The following PKIB variants were observed in gnomAD, a reference collection of about 807,000 sequenced individuals.
PKIB encodes PKI-beta.
Under a neutral mutation model 4.5 loss-of-function variants are expected in PKIB, and 2 were observed. That is an observed-to-expected ratio of 0.44 (90% CI 0.18 to 1.39). The LOEUF is 1.39. Among genes scored for constraint, PKIB ranks in the 40% most tolerant of loss-of-function variants. PKIB has a pLI of 0.27. For missense variants in PKIB, 94 were observed against 92.6 expected, an observed-to-expected ratio of 1.02 and a Z score of -0.06; for synonymous variants, 38 against 36.0, an observed-to-expected ratio of 1.06 and a Z score of -0.20.
chr6:122,554,093 C>A (rs1772768540), intron 2 of PKIB, among the ~76,000 whole-genome samples: 1 of 152,164 alleles, frequency 6.6e-6, no homozygotes, highest in African/African-American at 2.4e-5. Flanking sequence ...TTCTTAGATT[C>A]CTTAAATTTG....
intron 2 of PKIB, among the ~76,000 whole-genome samples, chr6:122,517,615 T>A (rs1382167957): frequency 1.3e-5 from 2 of 152,216 alleles, no homozygotes; most frequent in Non-Finnish European, 2.9e-5. Flanking sequence ...CTGGTGGCAC[T>A]TACAGCTGCA....
intron 3 of PKIB, among the ~76,000 whole-genome samples, chr6:122,691,509 T>G (rs926460069): frequency 9.2e-5 from 14 of 152,206 alleles, no homozygotes; most frequent in Non-Finnish European, 1.5e-5. Context: ...ATTTTATTTT[T>G]CACCTCCAGA....
intron 2 of PKIB, among the ~76,000 whole-genome samples, chr6:122,498,075 C>T (rs1218343470): frequency 6.6e-6 from 1 of 152,110 alleles, no homozygotes; most frequent in Non-Finnish European, 1.5e-5. Flanking sequence ...TCAAAACCAC[C>T]CAATTACATG....
intron 2 of PKIB, among the ~76,000 whole-genome samples, chr6:122,509,240 T>G (rs1421456441): frequency 6.6e-6 from 1 of 152,134 alleles, no homozygotes; most frequent in African/African-American, 2.4e-5. Context: ...TGTAGTTAAT[T>G]TTAAGAACTG....
chr6:122,672,725 T>C (rs1717081615), intron 2 of PKIB, among the ~76,000 whole-genome samples: 1 of 151,632 alleles, frequency 6.6e-6, no homozygotes, highest in African/African-American at 2.4e-5. Flanking sequence ...TTAACATATA[T>C]AATAATAATA....
At chr6:122,675,878 T>C (rs189619829) in intron 3 of PKIB, among the ~76,000 whole-genome samples, 15 of 152,062 alleles carry the variant, frequency 9.9e-5, no homozygotes, top group East Asian at 3.9e-4. Context: ...AATCAGCATA[T>C]TGAATTTAAG....
intron 2 of PKIB, chr6:122,644,798 A>G (rs1776247496): frequency 1.3e-5 from 2 of 152,182 alleles, no homozygotes; most frequent in South Asian, 4.1e-4. Context: ...GTGGAGTATT[A>G]ATGATTATAC....
intron 3 of PKIB, among the ~76,000 whole-genome samples, chr6:122,677,893 T>TCC (rs1302990739): frequency 0.1 from 4,412 of 43,052 alleles, 98 homozygotes; most frequent in African/African-American, 0.17. Flanking sequence ...CTTCCTTCCT[T>TCC]TCTTTCTTTC....
Position 122,635,623 on chromosome 6 carries a change from T to G in PKIB, c.-76+2256T>G, listed in dbSNP as rs559576464. 3.1e-4 allele frequency among the ~76,000 whole-genome samples: 46 copies of G among 150,028 alleles called. 1 individual carries two copies. The South Asian group carries it at 9.5e-3, about 31-fold the overall frequency. Reference sequence around the variant, plus strand: ...ATTCATTGAAATACTAGCTAAATAATGTAGACATCAATAAAATAGAATACA... The same window carrying G: ...ATTCATTGAAATACTAGCTAAATAAGGTAGACATCAATAAAATAGAATACA... On this transcript the variant is annotated intron_variant, in intron 2 of 4. Transcript: ENST00000368452.
At chr6:122,502,976 G>A (rs1446141576) in intron 2 of PKIB, among the ~76,000 whole-genome samples, 4 of 152,298 alleles carry the variant, frequency 2.6e-5, no homozygotes, top group Admixed American at 2.0e-4. Context: ...AGCCTGGGAA[G>A]TCCAAGATCA....
At chr6:122,589,546 A>G (rs1055377589) in intron 3 of PKIB, among the ~76,000 whole-genome samples, 2 of 152,156 alleles carry the variant, frequency 1.3e-5, no homozygotes, top group African/African-American at 4.8e-5. Context: ...AATTTGTAAA[A>G]AAATAAAATG....
chr6:122,616,344 T>C (rs1333544173), intron 1 of PKIB, among the ~76,000 whole-genome samples: 1 of 152,092 alleles, frequency 6.6e-6, no homozygotes, highest in African/African-American at 2.4e-5. Flanking sequence ...GCAAGAGTAA[T>C]GGCTTTATGA....
At chr6:122,647,554 A>G (rs1016168059) in intron 2 of PKIB, among the ~76,000 whole-genome samples, 1 of 152,154 alleles carries the variant, frequency 6.6e-6, no homozygotes, top group Admixed American at 6.5e-5. Context: ...CCAGCCCAAA[A>G]CATGGTAACC....
At chr6:122,514,239 G>T (rs1776675819) in intron 2 of PKIB, among the ~76,000 whole-genome samples, 1 of 152,096 alleles carries the variant, frequency 6.6e-6, no homozygotes. Flanking sequence ...TTCTTTCTTT[G>T]AGAATTCTCA....
intron 3 of PKIB, among the ~76,000 whole-genome samples, chr6:122,597,136 A>G (rs924431681): frequency 3.9e-5 from 6 of 152,220 alleles, no homozygotes; most frequent in South Asian, 4.1e-4. Flanking sequence ...ATCCTCTGGC[A>G]TGGAAATGTC....
At chr6:122,649,627 G>A (rs1401763670) in intron 2 of PKIB, among the ~76,000 whole-genome samples, 1 of 152,134 alleles carries the variant, frequency 6.6e-6, no homozygotes, top group African/African-American at 2.4e-5. Flanking sequence ...TGATATTGGG[G>A]TGTGGCTGTA....
At chr6:122,610,943 G>A (rs1774727830) in intron 1 of PKIB, among the ~76,000 whole-genome samples, 1 of 152,212 alleles carries the variant, frequency 6.6e-6, no homozygotes, top group African/African-American at 2.4e-5. Flanking sequence ...GTAGTCACGA[G>A]CGGCCGCGGG....
chr6:122,662,269 C>CA (rs2114916291), intron 2 of PKIB, among the ~76,000 whole-genome samples: 1 of 135,726 alleles, frequency 7.4e-6, no homozygotes, highest in Non-Finnish European at 1.6e-5. Context: ...TTGCCTAAAC[C>CA]AAGGTCTCTT....
At chr6:122,680,453 G>T (rs1039480445) in intron 3 of PKIB, among the ~76,000 whole-genome samples, 2 of 152,182 alleles carry the variant, frequency 1.3e-5, no homozygotes, top group African/African-American at 4.8e-5. Context: ...GAATGAGTTA[G>T]ATAATTTCTT....
Sources: allele counts gnomAD v4.1 joint callset (sites outside exome capture counted in the v4.1 genomes callset), GRCh38; gene constraint gnomAD v4.1.1; transcripts MANE v1.5; gene names NCBI Gene and HGNC (gene_info 2026-07-23, HGNC 2026-07-21).